Variants in NRP1 observed in about 807,000 individuals in gnomAD.
The protein encoded by NRP1 is neuropilin 1.
Under a neutral mutation model 106.7 loss-of-function variants are expected in NRP1, and 35 were observed. The ratio of observed to expected loss-of-function variants is 0.33; its 90% CI spans 0.25 to 0.43. The LOEUF (loss-of-function observed/expected upper bound fraction) is 0.43. Ranked by LOEUF, NRP1 falls within the 20% of genes least tolerant of loss-of-function variation. The pLI is 1.00. For synonymous variants in NRP1, 437 were observed against 417.9 expected, an observed-to-expected ratio of 1.05 and a Z score of -0.56; for missense variants, 1,024 against 1,170.4, an observed-to-expected ratio of 0.87 and a Z score of 1.83.
intron 9 of NRP1, among the ~76,000 whole-genome samples, chr10:33,210,888 T>A (rs1337473249): frequency 6.6e-6 from 1 of 152,242 alleles, no homozygotes; most frequent in Non-Finnish European, 1.5e-5. Context: ...TGTGCCGCTC[T>A]AAAATGGAAG....
At chr10:33,270,022 C>T (rs1282198979) in intron 3 of NRP1, among the ~76,000 whole-genome samples, 1 of 152,102 alleles carries the variant, frequency 6.6e-6, no homozygotes, top group Non-Finnish European at 1.5e-5. Context: ...TATTCTGAAA[C>T]CATCCCCCAA....
chr10:33,274,021 A>G (rs1460008525), intron 2 of NRP1, among the ~76,000 whole-genome samples: 1 of 152,142 alleles, frequency 6.6e-6, no homozygotes, highest in Non-Finnish European at 1.5e-5. Context: ...CTCCCTCCTC[A>G]TTTAGGCATC....
intron 6 of NRP1, among the ~76,000 whole-genome samples, chr10:33,238,628 G>T (rs2133057185): frequency 6.6e-6 from 1 of 152,318 alleles, no homozygotes; most frequent in Admixed American, 6.5e-5. Context: ...AAACTGGGGT[G>T]ATGCAGGCAG....
intron 2 of NRP1, among the ~76,000 whole-genome samples, chr10:33,274,993 C>G (rs79155924): frequency 6.6e-6 from 1 of 152,088 alleles, no homozygotes; most frequent in African/African-American, 2.4e-5. Flanking sequence ...AATTAACTTA[C>G]GTATCCCACA....
intron 15 of NRP1, among the ~76,000 whole-genome samples, chr10:33,184,203 ATGGGGTTT>A (rs1588679927): frequency 6.6e-6 from 1 of 151,984 alleles, no homozygotes; most frequent in Admixed American, 6.6e-5. Flanking sequence ...TTTAGTAGAG[ATGGGGTTT>A]TGCCATGTTG....
In NRP1 at chr10:33,334,420, C is replaced by A. The variant is rs1306173742; in HGVS notation, c.-38G>T. The A allele has an allele frequency of 1.3e-6, 2 of 1,519,390 alleles. No homozygotes were observed. The allele number at this position is 1,519,390 out of a possible 1,614,324, so 94.1% of individuals were successfully genotyped here. On this transcript the variant is annotated 5_prime_UTR_variant, in exon 1 of 17. Coordinates refer to ENST00000374867, the MANE Select transcript of NRP1 (RefSeq NM_003873.7). ...GGGTCCGCAGGCAGACGCGGGAGAA[C>A]GAGGACGTGGGGGGAAATGCAGCAA... is the stretch of plus-strand genomic sequence containing the variant.
At chr10:33,221,203 C>G (rs983111954) in intron 8 of NRP1, among the ~76,000 whole-genome samples, 1 of 152,062 alleles carries the variant, frequency 6.6e-6, no homozygotes, top group Non-Finnish European at 1.5e-5. Context: ...AGAGCAAGAC[C>G]CTGTCTCAAA....
At chr10:33,286,143 A>G (rs1844519286) in intron 2 of NRP1, among the ~76,000 whole-genome samples, 1 of 152,228 alleles carries the variant, frequency 6.6e-6, no homozygotes. Flanking sequence ...ATGAGAAGAC[A>G]AAAATTTAAA....
At chr10:33,185,222 C>A (rs568060828) in intron 15 of NRP1, among the ~76,000 whole-genome samples, 1 of 152,200 alleles carries the variant, frequency 6.6e-6, no homozygotes, top group East Asian at 1.9e-4. Context: ...CTTAATTAAA[C>A]TTATTCTGAT....
chr10:33,332,612 C>A (rs922253867), intron 1 of NRP1, among the ~76,000 whole-genome samples: 5 of 152,216 alleles, frequency 3.3e-5, no homozygotes, highest in Non-Finnish European at 7.3e-5. Flanking sequence ...GACTCCCTGG[C>A]TCTGTTCAAT....
At position 33,186,278 on chromosome 10, in the gene NRP1, T is replaced by G; in HGVS notation, c.2273A>C (p.His758Pro). Reference sequence around the variant, plus strand: ...CCCTTCCTTCCAGTGGTCACCTTGGTGTCCAATGGCCATCCAGACCAGCTG... The same window carrying G: ...CCCTTCCTTCCAGTGGTCACCTTGGGGTCCAATGGCCATCCAGACCAGCTG... Reference protein sequence around the residue: ...YDQLVWMAIGHQGDHWKEGRV... With the variant: ...YDQLVWMAIGPQGDHWKEGRV... The change falls in exon 14 of 17, where the codon CAC becomes CCC. Residue 758 changes from histidine to proline, a missense_variant. By Grantham distance (77) the His-to-Pro change is moderately conservative (BLOSUM62 -2). Transcript: ENST00000374867. 1 of 1,614,094 alleles carries G rather than the reference T, an allele frequency of 6.2e-7. No homozygotes were observed. Among genetic ancestry groups the G allele is most frequent in the Non-Finnish European group, 8.5e-7 (1 of 1,179,956 alleles).
chr10:33,216,386 G>A (rs557088436), intron 8 of NRP1, among the ~76,000 whole-genome samples: 3 of 151,780 alleles, frequency 2.0e-5, no homozygotes, highest in African/African-American at 7.3e-5. Flanking sequence ...TGCCTGCCTC[G>A]GCCTCCCAAA....
chr10:33,239,657 T>C (rs1213220916), intron 6 of NRP1, among the ~76,000 whole-genome samples: 1 of 152,234 alleles, frequency 6.6e-6, no homozygotes, highest in East Asian at 1.9e-4. Flanking sequence ...GAAGTATTCC[T>C]TTTTATTTAT....
At chr10:33,192,564 T>A in intron 12 of NRP1, 146 bp from the exon 13 acceptor site, 1 of 824,306 alleles carries the variant, frequency 1.2e-6, no homozygotes, top group Non-Finnish European at 1.8e-6. Context: ...AAGCCAGGAT[T>A]ACCAAGAAAC....
chr10:33,228,608 G>A (rs545358016), intron 6 of NRP1, among the ~76,000 whole-genome samples: 1 of 152,104 alleles, frequency 6.6e-6, no homozygotes, highest in South Asian at 2.1e-4. Context: ...TCCTGAAGGC[G>A]CTTGGAGTAG....
chr10:33,213,362 C>T (rs747274752), intron 9 of NRP1, 24 bp downstream of exon 9: 2 of 1,614,088 alleles, frequency 1.2e-6, no homozygotes, highest in South Asian at 2.2e-5. Flanking sequence ...AAGGGATGAC[C>T]TCCTCCCAGT....
chr10:33,283,263 G>T (rs1200306683), intron 2 of NRP1, among the ~76,000 whole-genome samples: 1 of 152,180 alleles, frequency 6.6e-6, no homozygotes, highest in Non-Finnish European at 1.5e-5. Flanking sequence ...GTAATCTCTA[G>T]TGTTTATTGA....
At chr10:33,205,402 C>A (rs1653516409) in intron 10 of NRP1, 1 of 152,266 alleles carries the variant, frequency 6.6e-6, no homozygotes, top group South Asian at 2.1e-4. Context: ...AATGAGTCCT[C>A]ATTGCCTGCT....
chr10:33,294,824 A>T (rs540518749), intron 2 of NRP1, among the ~76,000 whole-genome samples: 3 of 152,186 alleles, frequency 2.0e-5, no homozygotes, highest in Admixed American at 1.3e-4. Flanking sequence ...ACCTAAGGGG[A>T]TTACCCTAGA....
Sources: allele counts gnomAD v4.1 joint callset (sites outside exome capture counted in the v4.1 genomes callset), GRCh38; gene constraint gnomAD v4.1.1; transcripts MANE v1.5; gene names NCBI Gene and HGNC (gene_info 2026-07-23, HGNC 2026-07-21).